Variants in ANTXR1 observed in about 807,000 individuals in gnomAD.
ANTXR1 encodes the protein anthrax toxin receptor 1.
A neutral mutation model predicts 78.1 loss-of-function variants in ANTXR1; 19 were observed. The observed-to-expected ratio is 0.24, with a 90% CI of 0.17 to 0.36. The LOEUF (loss-of-function observed/expected upper bound fraction) is 0.36. ANTXR1 is among the 10% of genes least tolerant of loss of function. ANTXR1 has a pLI of 1.00. For synonymous variants in ANTXR1, 273 were observed against 260.5 expected, an observed-to-expected ratio of 1.05 and a Z score of -0.46; for missense variants, 518 against 718.6, an observed-to-expected ratio of 0.72 and a Z score of 3.19.
At chr2:69,231,487 C>A (rs1675595770) in intron 17 of ANTXR1, among the ~76,000 whole-genome samples, 1 of 152,138 alleles carries the variant, frequency 6.6e-6, no homozygotes, top group Non-Finnish European at 1.5e-5. Flanking sequence ...CATGAATGAC[C>A]CCACTAGGCA....
intron 16 of ANTXR1, among the ~76,000 whole-genome samples, chr2:69,183,954 G>A (rs755786542): frequency 3.9e-5 from 6 of 151,934 alleles, no homozygotes; most frequent in Non-Finnish European, 7.4e-5. Flanking sequence ...CCAACTCAGG[G>A]CTACAGACTC....
chr2:69,189,606 G>A (rs1027075167), intron 16 of ANTXR1, among the ~76,000 whole-genome samples: 1 of 152,258 alleles, frequency 6.6e-6, no homozygotes, highest in African/African-American at 2.4e-5. Flanking sequence ...CAGATGATGA[G>A]GGCCTGGGCC....
chr2:69,103,407 A>G, intron 10 of ANTXR1: 1 of 211,108 alleles, frequency 4.7e-6, no homozygotes, highest in East Asian at 1.1e-4. Context: ...AAATGCATTA[A>G]TCTTGAATAA....
chr2:69,097,600 A>C lies in ANTXR1; in HGVS notation c.704-5242A>C, dbSNP rs376604994. On this transcript the variant is annotated intron_variant, in intron 9 of 17. Coordinates refer to ENST00000303714, the MANE Select transcript of ANTXR1 (RefSeq NM_032208.3). ...CTCTGCTCAATCTTTCCTTTCATTTAAAGACATTTCTATGTGGAGGAAGGA... is the reference window on the plus strand; with the variant it reads ...CTCTGCTCAATCTTTCCTTTCATTTCAAGACATTTCTATGTGGAGGAAGGA... 9.2e-5 allele frequency among the ~76,000 whole-genome samples: 14 copies of C among 152,354 alleles called. No individual in the cohort carries two copies. The East Asian group carries it at 2.7e-3, about 29-fold the overall frequency.
chr2:69,133,996 A>G (rs1028303647), intron 12 of ANTXR1, among the ~76,000 whole-genome samples: 4 of 152,194 alleles, frequency 2.6e-5, no homozygotes, highest in Non-Finnish European at 4.4e-5. Flanking sequence ...TAGATGCCCA[A>G]TCTTAGTTTT....
At chr2:69,218,711 A>G (rs1315488826) in intron 17 of ANTXR1, among the ~76,000 whole-genome samples, 1 of 152,216 alleles carries the variant, frequency 6.6e-6, no homozygotes, top group Non-Finnish European at 1.5e-5. Context: ...CACTGGGAAC[A>G]AAACCATGAC....
intron 12 of ANTXR1, among the ~76,000 whole-genome samples, chr2:69,146,873 C>A (rs1034562683): frequency 3.3e-5 from 5 of 152,226 alleles, no homozygotes. Context: ...TCCTGGCCAC[C>A]CTTTCCCCTG....
intron 3 of ANTXR1, among the ~76,000 whole-genome samples, chr2:69,053,578 A>G (rs1367760989): frequency 6.6e-6 from 1 of 152,152 alleles, no homozygotes; most frequent in Non-Finnish European, 1.5e-5. Context: ...CATTTTCTCT[A>G]TTATATCAGT....
At chr2:69,243,302 C>G (rs982657215) in intron 17 of ANTXR1, among the ~76,000 whole-genome samples, 1 of 152,184 alleles carries the variant, frequency 6.6e-6, no homozygotes, top group African/African-American at 2.4e-5. Context: ...AGTTGTGGAG[C>G]AGCAAAGCAC....
At chr2:69,062,884 GA>G (rs1670289363) in intron 3 of ANTXR1, among the ~76,000 whole-genome samples, 1 of 151,916 alleles carries the variant, frequency 6.6e-6, no homozygotes, top group Admixed American at 6.6e-5. Context: ...ATTAAAAAAA[GA>G]AAACTCAAAG....
At chr2:69,091,816 T>A (rs1671249397) in intron 9 of ANTXR1, among the ~76,000 whole-genome samples, 1 of 152,248 alleles carries the variant, frequency 6.6e-6, no homozygotes, top group Non-Finnish European at 1.5e-5. Context: ...ATGTAAAGAA[T>A]TAGCCTTCTT....
At chr2:69,153,875 T>C (rs1673460875) in intron 13 of ANTXR1, among the ~76,000 whole-genome samples, 2 of 152,148 alleles carry the variant, frequency 1.3e-5, no homozygotes, top group South Asian at 4.1e-4. Flanking sequence ...CTGTGTGACC[T>C]TGGGCAAGTT....
intron 13 of ANTXR1, among the ~76,000 whole-genome samples, chr2:69,158,228 G>T (rs865965559): frequency 1.3e-5 from 2 of 152,172 alleles, no homozygotes; most frequent in African/African-American, 4.8e-5. Context: ...CCAACTGTGG[G>T]CACACTCTAC....
chr2:69,235,410 G>A (rs955863328), intron 17 of ANTXR1, among the ~76,000 whole-genome samples: 2 of 152,070 alleles, frequency 1.3e-5, no homozygotes, highest in Non-Finnish European at 2.9e-5. Context: ...AGCACTTTGG[G>A]AGACCAAGGC....
chr2:69,050,195 G>A (rs1669888091), intron 3 of ANTXR1, among the ~76,000 whole-genome samples: 1 of 152,054 alleles, frequency 6.6e-6, no homozygotes, highest in South Asian at 2.1e-4. Context: ...CTACTCAGGA[G>A]AATGAGGTGA....
intron 17 of ANTXR1, among the ~76,000 whole-genome samples, chr2:69,195,104 G>T (rs1674638129): frequency 6.6e-6 from 1 of 151,332 alleles, no homozygotes; most frequent in African/African-American, 2.4e-5. Context: ...GGAGGCGGAG[G>T]TTGCAGTGAG....
chr2:69,184,129 G>A (rs184756912), intron 16 of ANTXR1, among the ~76,000 whole-genome samples: 9 of 152,048 alleles, frequency 5.9e-5, no homozygotes, highest in African/African-American at 1.9e-4. Context: ...TTCATCATTC[G>A]CTGAGTTAAT....
intron 3 of ANTXR1, among the ~76,000 whole-genome samples, chr2:69,055,566 A>G (rs1041245625): frequency 3.9e-5 from 6 of 152,158 alleles, no homozygotes; most frequent in African/African-American, 1.4e-4. Context: ...AGTAGAAGAA[A>G]GTAAAATTGT....
At chr2:69,145,371 G>A (rs769447199) in intron 12 of ANTXR1, 3 of 1,597,104 alleles carry the variant, frequency 1.9e-6, no homozygotes, top group East Asian at 2.3e-5. Context: ...TGCTTGCATG[G>A]AATAGCAGAG....
Sources: allele counts gnomAD v4.1 joint callset (sites outside exome capture counted in the v4.1 genomes callset), GRCh38; gene constraint gnomAD v4.1.1; transcripts MANE v1.5; gene names NCBI Gene and HGNC (gene_info 2026-07-23, HGNC 2026-07-21).